POLK: variants seen among roughly 807,000 people sequenced by gnomAD.
POLK encodes the protein DNA polymerase kappa, also known as polymerase (DNA directed) kappa.
Under a neutral mutation model 94.0 loss-of-function variants are expected in POLK, and 76 were observed. The ratio of observed to expected loss-of-function variants is 0.81; its 90% CI spans 0.67 to 0.98. The LOEUF (loss-of-function observed/expected upper bound fraction) is 0.98, where lower values mean the gene tolerates loss of function less well. POLK is among the 50% of genes least tolerant of loss of function. POLK has a pLI of 0.00. For synonymous variants in POLK, 349 were observed against 325.4 expected (o/e 1.07, Z -0.78); for missense variants, 954 against 1,010.1 (o/e 0.94, Z 0.75).
At chr5:75,552,518 A>G in exon 3 of POLK, 1 of 1,613,018 alleles carries the variant, frequency 6.2e-7, no homozygotes, top group Non-Finnish European at 8.5e-7. Context: ...AAGCAAGTCA[A>G]CCAACGAATT....
At chr5:75,527,528 C>T (rs1308647194) in intron 1 of POLK, among the ~76,000 whole-genome samples, 1 of 150,212 alleles carries the variant, frequency 6.7e-6, no homozygotes, top group African/African-American at 2.4e-5. Context: ...CACACACACA[C>T]ACACACACAC....
At chr5:75,536,519 AC>A (rs940212232) in intron 1 of POLK, among the ~76,000 whole-genome samples, 4 of 151,158 alleles carry the variant, frequency 2.6e-5, no homozygotes, top group Admixed American at 2.6e-4. Flanking sequence ...AGGAGGCTGT[AC>A]CCCCGGCAAA....
chr5:75,602,564 T>C (rs1773318069), downstream of POLK, among the ~76,000 whole-genome samples: 1 of 152,158 alleles, frequency 6.6e-6, no homozygotes, highest in South Asian at 2.1e-4. Flanking sequence ...TCAAATAAAA[T>C]ATAAAAAAGA....
intron 1 of POLK, 75 bp downstream of exon 1, chr5:75,511,989 G>T: frequency 1.7e-6 from 1 of 595,204 alleles, no homozygotes. Flanking sequence ...TTTGACAGTT[G>T]CGTGACCAGC....
intron 7 of POLK, chr5:75,582,071 A>G: frequency 1.0e-6 from 1 of 982,382 alleles, no homozygotes. Context: ...TCCTTGGGAG[A>G]CTTCAATCCT....
intron 1 of POLK, among the ~76,000 whole-genome samples, chr5:75,526,568 T>TG (rs1263914093): frequency 6.7e-6 from 1 of 148,670 alleles, no homozygotes; most frequent in Non-Finnish European, 1.5e-5. Flanking sequence ...AATGGGTTTT[T>TG]TTTTTGTTTT....
chr5:75,511,759 C>G (rs1768020921), exon 1 of POLK: 1 of 1,551,340 alleles, frequency 6.4e-7, no homozygotes, highest in East Asian at 2.4e-5. Flanking sequence ...CGAACCCTAC[C>G]TCCGGCTCTC....
intron 1 of POLK, among the ~76,000 whole-genome samples, chr5:75,521,586 G>C (rs1768588302): frequency 6.6e-6 from 1 of 152,120 alleles, no homozygotes; most frequent in Non-Finnish European, 1.5e-5. Flanking sequence ...TCTCGTTAGG[G>C]TTAGTCACTG....
intron 1 of POLK, among the ~76,000 whole-genome samples, chr5:75,527,312 C>A (rs1354301156): frequency 6.6e-6 from 1 of 151,772 alleles, no homozygotes; most frequent in Non-Finnish European, 1.5e-5. Context: ...CCCAGGAGTT[C>A]TAGAGCAGCC....
At chr5:75,581,548 AT>A in intron 7 of POLK, 100 bp downstream of exon 7, 1 of 995,860 alleles carries the variant, frequency 1.0e-6, no homozygotes, top group Non-Finnish European at 1.5e-6. Flanking sequence ...ATATAGTAAC[AT>A]TTTACTTACT....
At chr5:75,541,253 T>C (rs1189269381) in intron 1 of POLK, among the ~76,000 whole-genome samples, 1 of 151,940 alleles carries the variant, frequency 6.6e-6, no homozygotes, top group Non-Finnish European at 1.5e-5. Flanking sequence ...ATCGCACCAT[T>C]GCACTCCAGC....
At chr5:75,559,745 G>T (rs1770873988) in intron 3 of POLK, among the ~76,000 whole-genome samples, 1 of 151,534 alleles carries the variant, frequency 6.6e-6, no homozygotes, top group Non-Finnish European at 1.5e-5. Context: ...TCACTATATT[G>T]CCCAGGCCAG....
At chr5:75,594,811 C>A (rs928317328) in intron 12 of POLK, among the ~76,000 whole-genome samples, 1 of 152,176 alleles carries the variant, frequency 6.6e-6, no homozygotes, top group East Asian at 1.9e-4. Flanking sequence ...AAGTAACAAG[C>A]CATGTTTCCA....
intron 4 of POLK, among the ~76,000 whole-genome samples, chr5:75,573,076 C>T (rs999180765): frequency 2.2e-4 from 33 of 152,072 alleles, no homozygotes; most frequent in Middle Eastern, 3.4e-3. Context: ...ATGTTTATTG[C>T]GGCACTATTC....
chr5:75,552,477 C>T, exon 3 of POLK: 1 of 1,610,586 alleles, frequency 6.2e-7, no homozygotes, highest in Non-Finnish European at 8.5e-7. Context: ...CATAGGGGTC[C>T]AGATTTTATG....
upstream of POLK, chr5:75,511,543 AG>A: frequency 6.9e-7 from 1 of 1,457,708 alleles, no homozygotes; most frequent in South Asian, 1.4e-5. Context: ...AAAAGGGAAA[AG>A]AAGGGAAGAG....
the POLK span, among the ~76,000 whole-genome samples, chr5:75,606,938 T>C: frequency 6.6e-6 from 1 of 152,110 alleles, no homozygotes; most frequent in African/African-American, 2.4e-5. Context: ...GCAGAAAATG[T>C]AATTAAAGTG....
chr5:75,590,453 G>C lies in POLK; in HGVS notation c.1356+13G>C. 1 of 1,490,616 alleles carries C rather than the reference G, an allele frequency of 6.7e-7. No homozygotes were observed. Among genetic ancestry groups the C allele is most frequent in the Non-Finnish European group, 9.4e-7 (1 of 1,068,496 alleles). 92.3% of individuals were successfully genotyped at this position (1,490,616 alleles called of 1,614,324 possible). A position where few individuals can be genotyped will look rare whatever the true frequency, so the allele number is the denominator to read the frequency against. ...AGAAAGACTTAAGGTGCTTTATTTT[G>C]ATATGGTGTCCTTAGTTTTTAAGTT... On this transcript the variant is annotated intron_variant, in intron 11 of 14. Transcript: ENST00000241436.
intron 1 of POLK, among the ~76,000 whole-genome samples, chr5:75,543,558 G>A (rs759411367): frequency 9.9e-5 from 15 of 152,182 alleles, no homozygotes; most frequent in Non-Finnish European, 2.1e-4. Flanking sequence ...GATGGAGGCA[G>A]ATGAAAAGAT....
Sources: gnomAD v4.1 joint callset for allele counts (sites outside exome capture counted in the v4.1 genomes callset) on GRCh38, gnomAD v4.1.1 for gene constraint, MANE v1.5 for transcripts, NCBI Gene and HGNC (gene_info 2026-07-23, HGNC 2026-07-21) for gene names.